Variants in ITGAM observed in about 807,000 individuals in gnomAD.
ITGAM encodes integrin alpha-M.
ITGAM carries 79 observed loss-of-function variants against 137.5 expected under a neutral mutation model. The ratio of observed to expected loss-of-function variants is 0.57; its 90% confidence interval spans 0.48 to 0.69. ITGAM has a LOEUF of 0.69. Ranked by LOEUF, ITGAM falls within the 30% of genes least tolerant of loss-of-function variation. The probability of loss-of-function intolerance (pLI) is 0.00; values close to 1 mark genes in which losing one functional copy is unlikely to be tolerated. For synonymous variants in ITGAM, 583 were observed against 592.3 expected, an observed-to-expected ratio of 0.98 and a Z score of 0.23; for missense variants, 1,343 against 1,483.5, an observed-to-expected ratio of 0.91 and a Z score of 1.56.
chr16:31,328,696 A>ATG (rs998591912), intron 23 of ITGAM, among the ~76,000 whole-genome samples: 7 of 142,650 alleles, frequency 4.9e-5, no homozygotes, highest in Middle Eastern at 5.0e-3. Context: ...GTATTTGTGC[A>ATG]TGTGTGTGTA....
At chr16:31,297,373 A>G in intron 12 of ITGAM, 141 bp from the exon 13 acceptor site, 1 of 1,127,970 alleles carries the variant, frequency 8.9e-7, no homozygotes, top group South Asian at 1.4e-5. Context: ...TTCAAGTGAT[A>G]ATTTATCATG....
intron 14 of ITGAM, among the ~76,000 whole-genome samples, chr16:31,304,740 G>A (rs1487291232): frequency 6.6e-6 from 1 of 152,050 alleles, no homozygotes; most frequent in Non-Finnish European, 1.5e-5. Flanking sequence ...TTATGTTTTT[G>A]TATGCTTTGT....
At position 31,265,842 on chromosome 16, in the gene ITGAM, C is replaced by A. The variant is rs1165579541; in HGVS notation, c.270C>A (p.Gly90=). Residue 90 remains glycine, a synonymous_variant, in exon 4 of 30, where the codon GGC becomes GGA. Coordinates refer to ENST00000544665, the MANE Select transcript of ITGAM (RefSeq NM_000632.4). ...TGGAGGCCGTGAACATGTCCCTGGG[C>A]CTGTCCCTGGCAGCCACCACCAGCC... ...VPVEAVNMSL[G]LSLAATTSPP... 5.0e-6 allele frequency: 8 copies of A among 1,613,976 alleles called. No homozygotes were observed. The highest frequency in any genetic ancestry group is 6.8e-6 in the Non-Finnish European group (8 of 1,179,988).
intron 14 of ITGAM, among the ~76,000 whole-genome samples, chr16:31,315,014 T>G (rs961411023): frequency 1.3e-5 from 2 of 152,010 alleles, no homozygotes; most frequent in Non-Finnish European, 2.9e-5. Flanking sequence ...CATTTCACCA[T>G]GTTGGCCAGG....
chr16:31,272,422 ACTATATATATATATATATATATATATAT>A (rs2079851186), intron 7 of ITGAM, among the ~76,000 whole-genome samples: 4 of 48,976 alleles, frequency 8.2e-5, no homozygotes, highest in African/African-American at 1.5e-4. Context: ...AGGCCAATTA[ACTATATATATATATATATATATATATAT>A]ATATATATAT....
chr16:31,301,374 A>G (rs2080195547), intron 14 of ITGAM, among the ~76,000 whole-genome samples: 1 of 152,176 alleles, frequency 6.6e-6, no homozygotes, highest in Non-Finnish European at 1.5e-5. Context: ...AGTTGGACCC[A>G]TATGGATGGG....
At position 31,329,789 on chromosome 16, in the gene ITGAM, C is replaced by T. The variant is rs1486008067; in HGVS notation, c.2869-9C>T. The T allele has an allele frequency of 2.3e-5, 35 of 1,550,530 alleles. No homozygotes were observed. Among genetic ancestry groups the T allele is most frequent in the Non-Finnish European group, 3.0e-5 (34 of 1,146,438 alleles). Reference sequence around the variant, plus strand: ...GGCCAGAGCCCTGACCCCGCCCTCCCCGGTGCAGGTCAGCAACCTGGGGCA... The same window carrying T: ...GGCCAGAGCCCTGACCCCGCCCTCCTCGGTGCAGGTCAGCAACCTGGGGCA... On this transcript the variant is annotated splice_polypyrimidine_tract_variant and intron_variant, in intron 24 of 29. Coordinates refer to ENST00000544665, the MANE Select transcript of ITGAM (RefSeq NM_000632.4).
chr16:31,328,697 T>C (rs565334165), intron 23 of ITGAM, among the ~76,000 whole-genome samples: 1 of 150,666 alleles, frequency 6.6e-6, no homozygotes, highest in African/African-American at 2.4e-5. Flanking sequence ...TATTTGTGCA[T>C]GTGTGTGTAT....
chr16:31,303,784 T>A (rs1166981341), intron 14 of ITGAM, among the ~76,000 whole-genome samples: 2 of 152,246 alleles, frequency 1.3e-5, no homozygotes, highest in Non-Finnish European at 2.9e-5. Context: ...TGTTCCTTTT[T>A]ATGGCTGGGT....
chr16:31,268,306 G>A (rs185095892), intron 5 of ITGAM, among the ~76,000 whole-genome samples: 50 of 152,008 alleles, frequency 3.3e-4, no homozygotes, highest in East Asian at 2.1e-3. Context: ...TCACTCTCAG[G>A]GTTCAAGACT....
chr16:31,282,911 C>G (rs2079985773), intron 12 of ITGAM, among the ~76,000 whole-genome samples: 1 of 152,126 alleles, frequency 6.6e-6, no homozygotes, highest in Admixed American at 6.5e-5. Context: ...TAGGGCAGGC[C>G]TGGTGGTGAC....
At chr16:31,280,353 T>G (rs1237037163) in intron 12 of ITGAM, among the ~76,000 whole-genome samples, 1 of 152,232 alleles carries the variant, frequency 6.6e-6, no homozygotes, top group Non-Finnish European at 1.5e-5. Context: ...ACGATATTGA[T>G]TCTTCCTATC....
intron 5 of ITGAM, among the ~76,000 whole-genome samples, 173 bp downstream of exon 5, chr16:31,266,320 G>T (rs1445364925): frequency 1.3e-5 from 2 of 151,404 alleles, no homozygotes; most frequent in Admixed American, 6.6e-5. Context: ...TTAGGAAAAC[G>T]CCTTGGCTAG....
Position 31,321,645 on chromosome 16 carries a change from A to T in ITGAM, c.2002+18A>T. The T allele has an allele frequency of 6.2e-7, 1 of 1,610,888 alleles. No individual in the cohort carries two copies. Among genetic ancestry groups the T allele is most frequent in the South Asian group, 1.1e-5 (1 of 90,818 alleles). Reference sequence around the variant, plus strand: ...AAGAGAAGGTGAGGCTTGGTGGATGAGTCTCAAGAGGTTAAACGACCGAGG... The same window carrying T: ...AAGAGAAGGTGAGGCTTGGTGGATGTGTCTCAAGAGGTTAAACGACCGAGG... On this transcript the variant is annotated intron_variant, in intron 16 of 29. Transcript: ENST00000544665.
At chr16:31,320,444 G>A (rs1211705110) in intron 14 of ITGAM, among the ~76,000 whole-genome samples, 2 of 152,024 alleles carry the variant, frequency 1.3e-5, no homozygotes, top group African/African-American at 4.8e-5. Context: ...TTTATTATTT[G>A]GCTGTCATTT....
chr16:31,299,714 T>G (rs1487766926), intron 14 of ITGAM, among the ~76,000 whole-genome samples: 2 of 152,142 alleles, frequency 1.3e-5, no homozygotes, highest in African/African-American at 4.8e-5. Context: ...TCATCCATGT[T>G]GTCACAAATG....
chr16:31,310,068 C>A (rs2080308910), intron 14 of ITGAM, among the ~76,000 whole-genome samples: 1 of 150,212 alleles, frequency 6.7e-6, no homozygotes, highest in South Asian at 2.1e-4. Flanking sequence ...AGATCAGCTG[C>A]CAGTCTGATG....
At chr16:31,285,174 C>T (rs1045209258) in intron 12 of ITGAM, among the ~76,000 whole-genome samples, 2 of 152,146 alleles carry the variant, frequency 1.3e-5, no homozygotes, top group Non-Finnish European at 2.9e-5. Context: ...CAGAACAGGA[C>T]AGAGATTTTC....
At chr16:31,271,715 G>A (rs1416753382) in intron 6 of ITGAM, 132 bp from the exon 7 acceptor site, 5 of 1,069,910 alleles carry the variant, frequency 4.7e-6, no homozygotes, top group Admixed American at 2.3e-5. Flanking sequence ...TCCTGGTGAG[G>A]CAGGGGATTA....
Sources: allele counts gnomAD v4.1 joint callset (sites outside exome capture counted in the v4.1 genomes callset), GRCh38; gene constraint gnomAD v4.1.1; transcripts MANE v1.5; gene names NCBI Gene and HGNC (gene_info 2026-07-23, HGNC 2026-07-21).